The following C5orf22 variants were observed in gnomAD, a reference collection of about 807,000 sequenced individuals.
The protein encoded by C5orf22 is UPF0489 protein C5orf22.
In C5orf22, 36 loss-of-function variants were observed where a neutral mutation model predicts 48.7. The observed-to-expected ratio is 0.74, with a 90% confidence interval of 0.57 to 0.98. The LOEUF is 0.98. C5orf22 is among the 50% of genes least tolerant of loss of function. C5orf22 has a pLI of 0.00. For missense variants in C5orf22, 486 were observed against 521.9 expected, an observed-to-expected ratio of 0.93 and a Z score of 0.67; for synonymous variants, 141 against 180.8, an observed-to-expected ratio of 0.78 and a Z score of 1.76.
At position 31,552,879 on chromosome 5, in the gene C5orf22, G is replaced by T; in HGVS notation, c.1306G>T (p.Ala436Ser). 6.2e-7 allele frequency: 1 copy of T among 1,613,784 alleles called. No homozygotes were observed. Among genetic ancestry groups the T allele is most frequent in the Admixed American group, 1.7e-5 (1 of 60,022 alleles). ...LYGNLDLQVY[A>S]AESPPS is the part of the protein sequence containing the mutation. ...TGGAAATCTAGACCTCCAAGTGTATGCAGCAGAGTCTCCTCCATCTTGAAA... is the reference window on the plus strand; with the variant it reads ...TGGAAATCTAGACCTCCAAGTGTATTCAGCAGAGTCTCCTCCATCTTGAAA... The change falls in exon 9 of 9, where the codon GCA becomes TCA. Residue 436 changes from alanine to serine, a missense_variant. Transcript: ENST00000325366.
Position 31,532,311 on chromosome 5 carries a change from A to G in C5orf22, c.-82A>G. On this transcript the variant is annotated 5_prime_UTR_variant, in exon 1 of 9. Coordinates refer to ENST00000325366, the MANE Select transcript of C5orf22 (RefSeq NM_018356.3). ...TGAGGGAGCGCTTCCGCCCGGAGAGAGCTGGCCGGGATGAGGCGCCGGCTT... is the reference window on the plus strand; with the variant it reads ...TGAGGGAGCGCTTCCGCCCGGAGAGGGCTGGCCGGGATGAGGCGCCGGCTT... 7.0e-7 allele frequency: 1 copy of G among 1,423,888 alleles called. No homozygotes were observed. The highest frequency in any genetic ancestry group is 2.3e-5 in the East Asian group (1 of 43,816). 88.2% of individuals were successfully genotyped at this position (1,423,888 alleles called of 1,614,324 possible).
At chr5:31,546,410 A>G (rs1213898057) in intron 7 of C5orf22, among the ~76,000 whole-genome samples, 1 of 152,122 alleles carries the variant, frequency 6.6e-6, no homozygotes, top group Non-Finnish European at 1.5e-5. Flanking sequence ...GGGTTTGCAT[A>G]TTTTATTTAC....
Position 31,538,583 on chromosome 5 carries a change from G to A in C5orf22, c.701G>A (p.Ser234Asn). The A allele has an allele frequency of 6.2e-7, 1 of 1,614,058 alleles. No individual in the cohort carries two copies. Among genetic ancestry groups the A allele is most frequent in the Non-Finnish European group, 8.5e-7 (1 of 1,179,950 alleles). The change falls in exon 4 of 9, where the codon AGC becomes AAC. Residue 234 changes from serine to asparagine, a missense_variant. Physicochemically the swap from Ser to Asn is conservative, Grantham distance 46 (BLOSUM62 1). Coordinates refer to ENST00000325366, the MANE Select transcript of C5orf22 (RefSeq NM_018356.3). The part of the protein sequence containing the change: ...SENQECQTAA[S>N]TGEILEILKK... Reference sequence around the variant, plus strand: ...AATCAGGAATGCCAGACTGCTGCCAGCACTGGGGAAATTCTGGAAATTTTG... The same window carrying A: ...AATCAGGAATGCCAGACTGCTGCCAACACTGGGGAAATTCTGGAAATTTTG...
intron 2 of C5orf22, 56 bp from the exon 3 acceptor site, chr5:31,535,688 A>T (rs1453821886): frequency 7.2e-7 from 1 of 1,392,524 alleles, no homozygotes; most frequent in Non-Finnish European, 9.7e-7. Context: ...ATAAAATTAC[A>T]CTTGGGAAAA....
In C5orf22 at chr5:31,552,904, A is replaced by G; in HGVS notation, c.*2A>G. 1.2e-6 allele frequency: 2 copies of G among 1,613,150 alleles called. No homozygotes were observed. The highest frequency in any genetic ancestry group is 2.2e-5 in the East Asian group (1 of 44,820). On this transcript the variant is annotated 3_prime_UTR_variant, in exon 9 of 9. Transcript: ENST00000325366. The stretch of plus-strand genomic sequence containing the variant: ...GCAGCAGAGTCTCCTCCATCTTGAA[A>G]CAAACAAAACATTAGGCTCCTGTTG...
intron 7 of C5orf22, among the ~76,000 whole-genome samples, chr5:31,550,717 C>T (rs1743201210): frequency 6.6e-6 from 1 of 152,120 alleles, no homozygotes; most frequent in East Asian, 1.9e-4. Flanking sequence ...CATGTGCCAC[C>T]ACGCCCGGCT....
chr5:31,550,830 G>A (rs1743212355), intron 7 of C5orf22, among the ~76,000 whole-genome samples: 1 of 152,202 alleles, frequency 6.6e-6, no homozygotes, highest in African/African-American at 2.4e-5. Context: ...CCAAAGTGCT[G>A]GGATTACAGG....
chr5:31,553,645 C>T lies in C5orf22; in HGVS notation c.*743C>T, dbSNP rs1017174378. On this transcript the variant is annotated 3_prime_UTR_variant, in exon 9 of 9. Transcript: ENST00000325366. ...AAAAGCTACTACCAAAAAAACCCCACAAATTTGCCAATCCATGAAAGTATC... is the reference window on the plus strand; with the variant it reads ...AAAAGCTACTACCAAAAAAACCCCATAAATTTGCCAATCCATGAAAGTATC... The T allele has an allele frequency of 1.3e-5, 2 of 152,046 alleles. No homozygotes were observed. Among genetic ancestry groups the T allele is most frequent in the African/African-American group, 4.8e-5 (2 of 41,412 alleles). 9.4% of individuals were successfully genotyped at this position (152,046 alleles called of 1,614,324 possible). A position where few individuals can be genotyped will look rare whatever the true frequency, so the allele number is the denominator to read the frequency against.
At chr5:31,541,774 G>C (rs1430049330) in intron 6 of C5orf22, among the ~76,000 whole-genome samples, 1 of 151,754 alleles carries the variant, frequency 6.6e-6, no homozygotes, top group Non-Finnish European at 1.5e-5. Context: ...TCTCAAAAAA[G>C]AGAGAAAAAA....
intron 8 of C5orf22, among the ~76,000 whole-genome samples, chr5:31,551,969 T>C (rs1352526049): frequency 1.3e-5 from 2 of 152,230 alleles, no homozygotes. Flanking sequence ...CTCTTTAGGT[T>C]TGAAATACTT....
At chr5:31,547,778 T>G (rs779415478) in intron 7 of C5orf22, among the ~76,000 whole-genome samples, 2 of 152,154 alleles carry the variant, frequency 1.3e-5, no homozygotes, top group Non-Finnish European at 2.9e-5. Flanking sequence ...ATGGAACAAT[T>G]TTTTCCTCCT....
Position 31,538,604 on chromosome 5 carries a change from T to C in C5orf22, c.722T>C (p.Ile241Thr). Residue 241 changes from isoleucine to threonine, a missense_variant, in exon 4 of 9, where the codon ATT becomes ACT. By Grantham distance (89) the Ile-to-Thr change is moderately conservative. This residue lies in a region of C5orf22 where 408 missense variants were observed against 444.0 expected (regional missense o/e 0.92). Coordinates refer to ENST00000325366, the MANE Select transcript of C5orf22 (RefSeq NM_018356.3). ...GCCAGCACTGGGGAAATTCTGGAAA[T>C]TTTGAAGAAAGGGAAGGCATTTGTT... ...TAASTGEILEILKKGKAFVLD... is the reference protein window; with the variant it reads ...TAASTGEILETLKKGKAFVLD... The C allele has an allele frequency of 6.2e-7, 1 of 1,614,156 alleles. No individual in the cohort carries two copies. The highest frequency in any genetic ancestry group is 8.5e-7 in the Non-Finnish European group (1 of 1,179,998).
chr5:31,538,678 ATGT>A lies in C5orf22; in HGVS notation c.798_800del (p.Met266_Phe267delinsIle), dbSNP rs1742265818. On this transcript the variant is annotated inframe_deletion, in exon 4 of 9. Transcript: ENST00000325366. ...TTCAGTCAAGAATCCCTTCAAAGAA[ATGT>A]TCACTCAGGTAAATAATTGTGTTTT... is the stretch of plus-strand genomic sequence containing the variant. 2 of 1,608,958 alleles carry A rather than the reference ATGT, an allele frequency of 1.2e-6. No homozygotes were observed. The highest frequency in any genetic ancestry group is 4.5e-5 in the East Asian group (2 of 44,822).
intron 6 of C5orf22, 100 bp from the exon 7 acceptor site, chr5:31,545,546 C>G: frequency 1.3e-6 from 1 of 789,372 alleles, no homozygotes; most frequent in Non-Finnish European, 2.2e-6. Flanking sequence ...CCATATGAAG[C>G]ATGTTATTAT....
Position 31,553,157 on chromosome 5 carries a change from TTTTTTTTG to T in C5orf22, c.*259_*266del, listed in dbSNP as rs1743394447. ...TTAAGTATTTTTTAGGGTTTTGTTT[TTTTTTTTG>T]TTTGTTTGTTTGTTTGTCTTCACTT... On this transcript the variant is annotated 3_prime_UTR_variant, in exon 9 of 9. Transcript: ENST00000325366. 2 of 282,854 alleles carry T rather than the reference TTTTTTTTG, an allele frequency of 7.1e-6. No individual in the cohort carries two copies. Among genetic ancestry groups the T allele is most frequent in the South Asian group, 6.2e-5 (1 of 16,224 alleles). 17.5% of individuals were successfully genotyped at this position (282,854 alleles called of 1,614,324 possible).
intron 4 of C5orf22, among the ~76,000 whole-genome samples, chr5:31,539,805 G>A (rs1224420221): frequency 1.3e-5 from 2 of 151,992 alleles, no homozygotes; most frequent in African/African-American, 2.4e-5. Context: ...CACTTTGGGA[G>A]GCCAAAGCAG....
rs1459008303 is a variant in C5orf22, at chr5:31,552,685, T to C, written c.1200-88T>C. The stretch of plus-strand genomic sequence containing the variant: ...GTTCAGCACACCTTAATTTCTGTTT[T>C]ACATTGAAATGAACACATGCAGCTT... On this transcript the variant is annotated intron_variant, in intron 8 of 8. Coordinates refer to ENST00000325366, the MANE Select transcript of C5orf22 (RefSeq NM_018356.3). 5 of 1,192,202 alleles carry C rather than the reference T, an allele frequency of 4.2e-6. No individual in the cohort carries two copies. In the East Asian group the frequency reaches 9.6e-5, roughly 23 times the overall value. 73.9% of individuals were successfully genotyped at this position (1,192,202 alleles called of 1,614,324 possible).
In C5orf22 at chr5:31,551,296, C is replaced by T. The variant is rs1743244959; in HGVS notation, c.1063C>T (p.His355Tyr). The change falls in exon 8 of 9, where the codon CAC becomes TAC. Residue 355 changes from histidine (H) to tyrosine (Y), a missense_variant. By Grantham distance (83) the His-to-Tyr change is moderately conservative. Coordinates refer to ENST00000325366, the MANE Select transcript of C5orf22 (RefSeq NM_018356.3). ...TTTTTAATTGTCTTATTTTCAGGTT[C>T]ACCAGGCTGGTTTAACCTGCGATTA... ...RMEVPDYEMVHQAGLTCDYSE... is the reference protein window; with the variant it reads ...RMEVPDYEMVYQAGLTCDYSE... The T allele has an allele frequency of 1.9e-6, 3 of 1,612,608 alleles. No homozygotes were observed. Among genetic ancestry groups the T allele is most frequent in the Admixed American group, 3.4e-5 (2 of 59,664 alleles).
At chr5:31,550,708 A>T (rs909123797) in intron 7 of C5orf22, among the ~76,000 whole-genome samples, 1 of 152,122 alleles carries the variant, frequency 6.6e-6, no homozygotes, top group East Asian at 1.9e-4. Flanking sequence ...GATTATAGGC[A>T]TGTGCCACCA....
Sources: allele counts gnomAD v4.1 joint callset (sites outside exome capture counted in the v4.1 genomes callset), GRCh38; gene constraint gnomAD v4.1.1; regional missense constraint gnomAD v4.1.1; transcripts MANE v1.5; gene names NCBI Gene and HGNC (gene_info 2026-07-23, HGNC 2026-07-21).